Variants in RMDN2 observed in about 807,000 individuals in gnomAD.
RMDN2 encodes regulator of microtubule dynamics protein 2.
RMDN2 carries 61 observed loss-of-function variants against 52.8 expected under a neutral mutation model. The observed-to-expected ratio is 1.16, with a 90% confidence interval of 0.94 to 1.43. RMDN2 has a LOEUF of 1.43. RMDN2 is among the 40% of genes most tolerant of loss of function. The pLI is 0.00. For missense variants in RMDN2, 592 were observed against 475.3 expected (o/e 1.25, Z -2.28); for synonymous variants, 180 against 153.1 (o/e 1.18, Z -1.30).
chr2:38,052,315 G>T (rs936538779), intron 10 of RMDN2, among the ~76,000 whole-genome samples: 1 of 152,048 alleles, frequency 6.6e-6, no homozygotes, highest in African/African-American at 2.4e-5. Context: ...GGCCATTTGT[G>T]TGTCTTCTTT....
chr2:37,952,236 C>G, intron 2 of RMDN2: 1 of 1,600,760 alleles, frequency 6.2e-7, no homozygotes, highest in South Asian at 1.1e-5. Flanking sequence ...TAGAAGGGCA[C>G]CTCAAATAGT....
chr2:38,043,282 A>T (rs1681076719), intron 10 of RMDN2, among the ~76,000 whole-genome samples: 1 of 152,250 alleles, frequency 6.6e-6, no homozygotes, highest in South Asian at 2.1e-4. Context: ...CTTAGTCTCA[A>T]ATCTGCTTTG....
chr2:38,003,938 A>G, intron 8 of RMDN2, 53 bp from the exon 9 acceptor site: 1 of 1,262,292 alleles, frequency 7.9e-7, no homozygotes, highest in Non-Finnish European at 1.2e-6. Context: ...ACTTGTGGTT[A>G]CTGTTATTTT....
At position 37,961,881 on chromosome 2, in the gene RMDN2, C is replaced by T. The variant is rs747495676; in HGVS notation, c.453-12159C>T. Among the ~76,000 whole-genome samples, 106 of 152,066 alleles carry T rather than the reference C, an allele frequency of 7.0e-4. No homozygotes were observed. The Middle Eastern group carries it at 9.5e-3, about 14-fold the overall frequency. ...GACCTTAGGATGGGTTTTGCGTGGG[C>T]GTCCTTTTTGTTGATTTTGATGTTT... On this transcript the variant is annotated intron_variant, in intron 2 of 10. Coordinates refer to ENST00000354545, the MANE Select transcript of RMDN2 (RefSeq NM_001170791.3).
intron 7 of RMDN2, among the ~76,000 whole-genome samples, chr2:37,992,945 C>T (rs1431240495): frequency 1.3e-5 from 2 of 151,982 alleles, no homozygotes; most frequent in African/African-American, 2.4e-5. Context: ...GACCAAGTCT[C>T]GCTCTGGCAC....
At chr2:38,038,524 C>G (rs955776141) in intron 10 of RMDN2, among the ~76,000 whole-genome samples, 4 of 152,152 alleles carry the variant, frequency 2.6e-5, no homozygotes, top group Non-Finnish European at 5.9e-5. Context: ...GCCTGCAACC[C>G]CCGCCTCGGA....
chr2:37,970,009 T>G lies in RMDN2; in HGVS notation c.453-4031T>G, dbSNP rs140752803. On this transcript the variant is annotated intron_variant, in intron 2 of 10. Transcript: ENST00000354545. ...GTGCAGTGGCACAATCATAGCTTAC[T>G]GCAGCCTCAACTTTCTAGACTCAAG... Among the ~76,000 whole-genome samples the G allele has an allele frequency of 2.0e-3, 311 of 152,242 alleles. 2 individuals are homozygous for G. The highest frequency in any genetic ancestry group is 7.2e-3 in the African/African-American group (299 of 41,532).
chr2:38,034,523 T>C (rs926390172), intron 10 of RMDN2, among the ~76,000 whole-genome samples: 3 of 152,158 alleles, frequency 2.0e-5, no homozygotes, highest in Non-Finnish European at 4.4e-5. Context: ...ACAGTATCCC[T>C]AATGCTGATC....
chr2:38,042,537 C>G (rs1446211106), intron 10 of RMDN2, among the ~76,000 whole-genome samples: 1 of 150,314 alleles, frequency 6.7e-6, no homozygotes, highest in Admixed American at 6.6e-5. Context: ...TTTTTTTCTG[C>G]TTTCTTCCGG....
chr2:38,051,009 C>T (rs1384250713), intron 10 of RMDN2, among the ~76,000 whole-genome samples: 3 of 152,160 alleles, frequency 2.0e-5, no homozygotes, highest in Non-Finnish European at 4.4e-5. Flanking sequence ...GTGATCCGCC[C>T]ATCTCAGAGT....
chr2:38,012,137 C>T (rs1171535400), intron 10 of RMDN2, among the ~76,000 whole-genome samples: 1 of 152,184 alleles, frequency 6.6e-6, no homozygotes, highest in Admixed American at 6.5e-5. Flanking sequence ...TGCCCTTCAC[C>T]CTTAGAACAT....
chr2:37,943,776 T>A (rs1257139077), intron 2 of RMDN2, among the ~76,000 whole-genome samples: 1 of 152,234 alleles, frequency 6.6e-6, no homozygotes, highest in Non-Finnish European at 1.5e-5. Flanking sequence ...AAATTAACTT[T>A]GCGAAGTTGG....
chr2:37,984,374 C>G (rs560945210), intron 5 of RMDN2, among the ~76,000 whole-genome samples: 1 of 152,290 alleles, frequency 6.6e-6, no homozygotes, highest in South Asian at 2.1e-4. Flanking sequence ...GTGCTCTACC[C>G]TTTGCAAATT....
intron 7 of RMDN2, 123 bp from the exon 8 acceptor site, chr2:37,997,293 A>T: frequency 1.5e-6 from 1 of 673,896 alleles, no homozygotes; most frequent in Non-Finnish European, 2.7e-6. Flanking sequence ...TTTCATTTGT[A>T]TATGTTATAT....
intron 2 of RMDN2, among the ~76,000 whole-genome samples, chr2:37,937,385 T>G (rs191787104): frequency 1.7e-4 from 26 of 152,324 alleles, no homozygotes; most frequent in African/African-American, 6.0e-4. Flanking sequence ...ACAGGTTCCT[T>G]TTTGGTTCCA....
chr2:38,045,582 T>A (rs576667411), intron 10 of RMDN2, among the ~76,000 whole-genome samples: 2 of 141,166 alleles, frequency 1.4e-5, no homozygotes, highest in South Asian at 4.5e-4. Flanking sequence ...TAAAGCTAGA[T>A]AAAATTGTAA....
chr2:37,964,619 T>C (rs1472227080), intron 2 of RMDN2, among the ~76,000 whole-genome samples: 1 of 152,198 alleles, frequency 6.6e-6, no homozygotes, highest in East Asian at 1.9e-4. Flanking sequence ...ACTTGGAGAA[T>C]ATTCCACATG....
chr2:38,038,626 A>G (rs1258466520), intron 10 of RMDN2, among the ~76,000 whole-genome samples: 2 of 152,156 alleles, frequency 1.3e-5, no homozygotes, highest in African/African-American at 4.8e-5. Context: ...CAAACCAACC[A>G]CTCATCATCA....
intron 5 of RMDN2, among the ~76,000 whole-genome samples, chr2:37,983,927 G>A (rs888034835): frequency 6.6e-6 from 1 of 152,094 alleles, no homozygotes; most frequent in African/African-American, 2.4e-5. Flanking sequence ...CCACACACAG[G>A]CATTTTTGCA....
Sources: gnomAD v4.1 joint callset for allele counts (sites outside exome capture counted in the v4.1 genomes callset) on GRCh38, gnomAD v4.1.1 for gene constraint, MANE v1.5 for transcripts, NCBI Gene and HGNC (gene_info 2026-07-23, HGNC 2026-07-21) for gene names.